Variants in XG observed in about 807,000 individuals in gnomAD.
XG encodes the protein Xg glycoprotein (Xg blood group).
A neutral mutation model predicts 25.7 loss-of-function variants in XG; 24 were observed. The ratio of observed to expected loss-of-function variants is 0.93; its 90% CI spans 0.68 to 1.31. The LOEUF (loss-of-function observed/expected upper bound fraction) is 1.31, where lower values mean the gene tolerates loss of function less well. XG is among the 40% of genes most tolerant of loss of function. The pLI is 0.00. For synonymous variants in XG, 77 were observed against 69.2 expected (o/e 1.11, Z -0.56); for missense variants, 181 against 187.6 (o/e 0.96, Z 0.21).
chrX:2,758,881 C>A lies in XG; in HGVS notation c.61+6546C>A, dbSNP rs767797083. 8.5e-5 allele frequency among the ~76,000 whole-genome samples: 13 copies of A among 152,318 alleles called. No homozygotes were observed. In the East Asian group the frequency reaches 1.9e-3, roughly 23 times the overall value. On this transcript the variant is annotated intron_variant, in intron 1 of 10. Coordinates refer to ENST00000644266, the MANE Select transcript of XG (RefSeq NM_001141919.2). ...CGTCTACCATTATCCATCCACCTAT[C>A]TGTCTCTATTATATACACCTATCAT...
At chrX:2,781,198 A>G (rs2051112712) in intron 3 of XG, among the ~76,000 whole-genome samples, 1 of 151,846 alleles carries the variant, frequency 6.6e-6, no homozygotes, top group Non-Finnish European at 1.5e-5. Context: ...TTTTCCCAGG[A>G]CTTTCCCGGG....
chrX:2,773,950 C>T (rs1292225397), intron 2 of XG, among the ~76,000 whole-genome samples: 1 of 152,112 alleles, frequency 6.6e-6, no homozygotes, highest in Non-Finnish European at 1.5e-5. Flanking sequence ...CCATATGCCC[C>T]GTTTGGAGGT....
intron 10 of XG, 140 bp from the exon 11 acceptor site, chrX:2,814,224 T>C (rs2087083863): frequency 1.3e-6 from 1 of 743,834 alleles, no homozygotes; most frequent in Non-Finnish European, 1.9e-6. Context: ...TTTTTTTCTG[T>C]TCTAATCTTC....
chrX:2,759,268 C>T (rs1049946203), intron 1 of XG, among the ~76,000 whole-genome samples: 8 of 152,172 alleles, frequency 5.3e-5, no homozygotes, highest in South Asian at 2.1e-4. Context: ...CAGAGAGTTA[C>T]GCAGCCCCAA....
At position 2,752,320 on chromosome X, in the gene XG, C is replaced by G. The variant is rs1396054961; in HGVS notation, c.46C>G (p.Leu16Val). 4 of 1,613,522 alleles carry G rather than the reference C, an allele frequency of 2.5e-6. No homozygotes were observed. Among genetic ancestry groups the G allele is most frequent in the Non-Finnish European group, 3.4e-6 (4 of 1,179,864 alleles). The change falls in exon 1 of 11, where the codon CTA becomes GTA. Residue 16 changes from leucine (L) to valine (V), a missense_variant. Physicochemically the swap from Leu to Val is conservative, Grantham distance 32 (BLOSUM62 1). Transcript: ENST00000644266. ...GLPCLAFLCFLMHARGQRDFD... is the reference protein window; with the variant it reads ...GLPCLAFLCFVMHARGQRDFD... ...TCCCTGTCTTGCGTTCCTGTGTTTT[C>G]TAATGCACGCCCGAGGTAAGAGGCA...
intron 4 of XG, among the ~76,000 whole-genome samples, chrX:2,785,004 C>A (rs775678703): frequency 3.6e-5 from 4 of 112,065 alleles, no homozygotes; most frequent in Non-Finnish European, 7.5e-5. Flanking sequence ...GTTGTCAGGA[C>A]ACAGCTTGGT....
chrX:2,812,523 G>A (rs1314889761), intron 10 of XG, among the ~76,000 whole-genome samples: 1 of 110,930 alleles, frequency 9.0e-6, no homozygotes, highest in Non-Finnish European at 1.9e-5. Flanking sequence ...ACCAGAAAGG[G>A]GTGCCCATTC....
chrX:2,804,484 G>A (rs1265992919), intron 7 of XG, among the ~76,000 whole-genome samples: 1 of 108,560 alleles, frequency 9.2e-6, no homozygotes, highest in African/African-American at 3.3e-5. Flanking sequence ...ATAAGTGCTG[G>A]GATTACAGGC....
At chrX:2,758,568 C>G (rs951557166) in intron 1 of XG, among the ~76,000 whole-genome samples, 15 of 152,212 alleles carry the variant, frequency 9.9e-5, no homozygotes, top group Non-Finnish European at 1.9e-4. Flanking sequence ...CAAGGTGACA[C>G]CCCCAGATAC....
chrX:2,753,529 T>G (rs917832001), intron 1 of XG, among the ~76,000 whole-genome samples: 15 of 152,262 alleles, frequency 9.9e-5, no homozygotes, highest in Middle Eastern at 3.4e-3. Context: ...GGTGTAAAAT[T>G]GGTATGCATT....
chrX:2,772,246 T>A (rs914861128), intron 2 of XG, among the ~76,000 whole-genome samples: 2 of 152,152 alleles, frequency 1.3e-5, no homozygotes, highest in Non-Finnish European at 2.9e-5. Context: ...GAGCAGGGAC[T>A]CAAACAGTTA....
chrX:2,807,932 C>T (rs999992127), intron 8 of XG, among the ~76,000 whole-genome samples: 1 of 111,751 alleles, frequency 8.9e-6, no homozygotes, highest in African/African-American at 3.3e-5. Flanking sequence ...CTCTCCAATC[C>T]TGAAATTAAA....
At chrX:2,776,864 A>C (rs972711345) in intron 3 of XG, among the ~76,000 whole-genome samples, 1 of 147,822 alleles carries the variant, frequency 6.8e-6, no homozygotes, top group African/African-American at 2.5e-5. Context: ...ACAACAACAA[A>C]AAGAAATAAC....
At chrX:2,765,041 CAAAAA>C (rs1219282861) in intron 1 of XG, among the ~76,000 whole-genome samples, 2 of 36,624 alleles carry the variant, frequency 5.5e-5, no homozygotes, top group African/African-American at 1.1e-4. Flanking sequence ...ATTCTTTATC[CAAAAA>C]AAAAAAAAAA....
intron 2 of XG, among the ~76,000 whole-genome samples, chrX:2,771,986 A>C (rs1343668191): frequency 6.6e-6 from 1 of 152,208 alleles, no homozygotes; most frequent in Non-Finnish European, 1.5e-5. Context: ...GGTGGGGGTT[A>C]GAGGCAGGTG....
chrX:2,769,247 G>A (rs2050763711), intron 1 of XG, among the ~76,000 whole-genome samples: 1 of 152,180 alleles, frequency 6.6e-6, no homozygotes, highest in Non-Finnish European at 1.5e-5. Context: ...CGATTTTTGG[G>A]AGGGAGACAG....
intron 1 of XG, among the ~76,000 whole-genome samples, chrX:2,767,289 G>A (rs2050721271): frequency 1.3e-5 from 2 of 151,996 alleles, no homozygotes. Context: ...GCTCCGAAGG[G>A]TCCCGAGCAC....
chrX:2,756,009 G>T, intron 1 of XG, among the ~76,000 whole-genome samples: 1 of 152,180 alleles, frequency 6.6e-6, no homozygotes, highest in Non-Finnish European at 1.5e-5. Context: ...TAACAAACCT[G>T]CACGTCCTGC....
intron 7 of XG, among the ~76,000 whole-genome samples, chrX:2,801,108 A>AAGG (rs2147084005): frequency 9.0e-6 from 1 of 110,978 alleles, no homozygotes; most frequent in East Asian, 2.8e-4. Context: ...CTACCTAGGT[A>AAGG]GACCTGATTT....
Sources: gnomAD v4.1 joint callset for allele counts (sites outside exome capture counted in the v4.1 genomes callset) on GRCh38, gnomAD v4.1.1 for gene constraint, MANE v1.5 for transcripts, NCBI Gene and HGNC (gene_info 2026-07-23, HGNC 2026-07-21) for gene names.